TAFA5: variants seen among roughly 807,000 people sequenced by gnomAD.
TAFA5 encodes the protein chemokine-like protein TAFA-5.
A neutral mutation model predicts 15.3 loss-of-function variants in TAFA5; 6 were observed. The ratio of observed to expected loss-of-function variants is 0.39; its 90% CI spans 0.21 to 0.77. The LOEUF (loss-of-function observed/expected upper bound fraction) is 0.77. Ranked by LOEUF, TAFA5 falls within the 30% of genes least tolerant of loss-of-function variation. The pLI, the probability that TAFA5 is intolerant of heterozygous loss-of-function variation, is 0.41. For missense variants in TAFA5, 161 were observed against 193.1 expected, an observed-to-expected ratio of 0.83 and a Z score of 0.98; for synonymous variants, 103 against 80.7, an observed-to-expected ratio of 1.28 and a Z score of -1.48.
chr22:48,733,099 G>A (rs1929913985), intron 3 of TAFA5, among the ~76,000 whole-genome samples: 1 of 152,104 alleles, frequency 6.6e-6, no homozygotes. Context: ...GCGGTGGTCT[G>A]GAACTGAACC....
At chr22:48,669,140 G>C (rs1000290498) in intron 2 of TAFA5, among the ~76,000 whole-genome samples, 1 of 152,200 alleles carries the variant, frequency 6.6e-6, no homozygotes, top group South Asian at 2.1e-4. Flanking sequence ...GCCAGACACC[G>C]AATCTGCTGA....
intron 1 of TAFA5, among the ~76,000 whole-genome samples, chr22:48,533,365 C>T (rs1035360952): frequency 2.6e-5 from 4 of 152,198 alleles, no homozygotes; most frequent in Non-Finnish European, 4.4e-5. Context: ...AAGGCGACCC[C>T]AGCACAGCTG....
chr22:48,525,459 C>A (rs1921749081), intron 1 of TAFA5, among the ~76,000 whole-genome samples: 1 of 152,210 alleles, frequency 6.6e-6, no homozygotes, highest in Non-Finnish European at 1.5e-5. Flanking sequence ...ACCTGCTCCG[C>A]CTTCTGGACT....
At chr22:48,663,707 A>G (rs1927521550) in intron 2 of TAFA5, among the ~76,000 whole-genome samples, 2 of 152,160 alleles carry the variant, frequency 1.3e-5, no homozygotes, top group Admixed American at 1.3e-4. Flanking sequence ...GCGCCATTCC[A>G]CTTTGTCCCA....
chr22:48,624,225 A>T (rs1407131773), intron 1 of TAFA5, among the ~76,000 whole-genome samples: 1 of 152,226 alleles, frequency 6.6e-6, no homozygotes, highest in East Asian at 1.9e-4. Flanking sequence ...TGGGAAGAAG[A>T]TGCCAAAGTG....
Position 48,706,760 on chromosome 22 carries a change from C to T in TAFA5, c.263-957C>T, listed in dbSNP as rs965350307. On this transcript the variant is annotated intron_variant, in intron 2 of 3. Transcript: ENST00000402357. The stretch of plus-strand genomic sequence containing the variant: ...ATTTTTATAAAAGTAATTATGTGTG[C>T]ATTAGGAAGGACATATTTTTTCCCA... Among the ~76,000 whole-genome samples, 6 of 152,308 alleles carry T rather than the reference C, an allele frequency of 3.9e-5. No homozygotes were observed. The East Asian group carries it at 1.2e-3, about 29-fold the overall frequency.
At chr22:48,496,024 G>A (rs759032093) in intron 1 of TAFA5, among the ~76,000 whole-genome samples, 4 of 152,330 alleles carry the variant, frequency 2.6e-5, no homozygotes, top group Middle Eastern at 3.4e-3. Flanking sequence ...TGCTCCTATC[G>A]CCCGTGAAGG....
intron 1 of TAFA5, among the ~76,000 whole-genome samples, chr22:48,569,414 T>C (rs952119066): frequency 4.0e-5 from 6 of 151,556 alleles, no homozygotes; most frequent in Non-Finnish European, 7.4e-5. Flanking sequence ...CTCCGGGGGG[T>C]CTGGGCGCCT....
chr22:48,620,011 A>G (rs1052318847), intron 1 of TAFA5, among the ~76,000 whole-genome samples: 2 of 152,216 alleles, frequency 1.3e-5, no homozygotes, highest in Non-Finnish European at 2.9e-5. Context: ...GTGAAATGCC[A>G]GTGGTCAAAT....
intron 1 of TAFA5, among the ~76,000 whole-genome samples, chr22:48,535,443 C>T (rs1388788544): frequency 1.3e-5 from 2 of 152,266 alleles, no homozygotes; most frequent in East Asian, 1.9e-4. Flanking sequence ...TGAACACAAA[C>T]ATGTACACAG....
intron 1 of TAFA5, among the ~76,000 whole-genome samples, chr22:48,616,480 T>C (rs1925609194): frequency 6.6e-6 from 1 of 152,206 alleles, no homozygotes; most frequent in African/African-American, 2.4e-5. Flanking sequence ...GGAGCATCTC[T>C]AATGCGTCAC....
chr22:48,685,357 C>G (rs1928320919), intron 2 of TAFA5, among the ~76,000 whole-genome samples: 1 of 152,168 alleles, frequency 6.6e-6, no homozygotes, highest in Admixed American at 6.5e-5. Context: ...CTCTTGGATC[C>G]AGGAAAGACC....
At chr22:48,597,917 C>T (rs114742149) in intron 1 of TAFA5, among the ~76,000 whole-genome samples, 173 of 152,292 alleles carry the variant, frequency 1.1e-3, no homozygotes, top group African/African-American at 3.7e-3. Flanking sequence ...ATGACTTGAG[C>T]GTGACGCTGA....
At chr22:48,606,843 G>T (rs187665214) in intron 1 of TAFA5, among the ~76,000 whole-genome samples, 30 of 152,324 alleles carry the variant, frequency 2.0e-4, no homozygotes, top group Non-Finnish European at 3.7e-4. Context: ...GCTGTCAGAC[G>T]CTGGGGTTCT....
At chr22:48,576,720 G>A in intron 1 of TAFA5, 1 of 1,004,060 alleles carries the variant, frequency 1.0e-6, no homozygotes, top group Non-Finnish European at 1.3e-6. Flanking sequence ...AGCGGCCGGC[G>A]GCGCGACCCT....
intron 2 of TAFA5, among the ~76,000 whole-genome samples, chr22:48,678,943 C>T (rs1601665140): frequency 1.3e-5 from 2 of 151,658 alleles, no homozygotes; most frequent in East Asian, 3.9e-4. Flanking sequence ...CATCCGTCTC[C>T]CAGCTCTGCG....
chr22:48,735,626 G>A (rs1348964233), intron 3 of TAFA5, among the ~76,000 whole-genome samples: 1 of 152,236 alleles, frequency 6.6e-6, no homozygotes. Flanking sequence ...TAGGCACTCT[G>A]TGGAGAGAAT....
chr22:48,720,853 A>T (rs1162719613), intron 3 of TAFA5, among the ~76,000 whole-genome samples: 1 of 152,128 alleles, frequency 6.6e-6, no homozygotes, highest in Non-Finnish European at 1.5e-5. Flanking sequence ...CAGACCACGG[A>T]ATGCCCTGGA....
intron 1 of TAFA5, among the ~76,000 whole-genome samples, chr22:48,523,768 G>C (rs1258342708): frequency 6.6e-6 from 1 of 152,220 alleles, no homozygotes; most frequent in Admixed American, 6.5e-5. Flanking sequence ...TTAGTGGGAA[G>C]CCTGACCCCA....
Sources: allele counts gnomAD v4.1 joint callset (sites outside exome capture counted in the v4.1 genomes callset), GRCh38; gene constraint gnomAD v4.1.1; transcripts MANE v1.5; gene names NCBI Gene and HGNC (gene_info 2026-07-23, HGNC 2026-07-21).